The following MFSD12 variants were observed in gnomAD, a reference collection of about 807,000 sequenced individuals.
MFSD12 encodes major facilitator superfamily domain-containing protein 12.
A neutral mutation model predicts 51.2 loss-of-function variants in MFSD12; 67 were observed. The ratio of observed to expected loss-of-function variants is 1.31; its 90% CI spans 1.08 to 1.60. The LOEUF is 1.60. Among genes scored for constraint, MFSD12 ranks in the 40% most tolerant of loss-of-function variants. MFSD12 has a pLI of 0.00. For synonymous variants in MFSD12, 441 were observed against 316.7 expected, an observed-to-expected ratio of 1.39 and a Z score of -4.17; for missense variants, 921 against 673.0, an observed-to-expected ratio of 1.37 and a Z score of -4.08.
In MFSD12 at chr19:3,546,229, C is replaced by T. The variant is rs371429788; in HGVS notation, c.1194+26G>A. 6.2e-6 allele frequency: 10 copies of T among 1,606,502 alleles called. No homozygotes were observed. The Admixed American group carries it at 1.0e-4, about 16-fold the overall frequency. On this transcript the variant is annotated intron_variant, in intron 7 of 9. Transcript: ENST00000355415. ...CCGAGATCTAGGACCCGGCCTCCCC[C>T]ACCCCAGCCTGGCTACCAGCCCTAC... is the stretch of plus-strand genomic sequence containing the variant.
At chr19:3,545,925 A>T (rs1267016848) in intron 8 of MFSD12, 149 bp downstream of exon 8, 1 of 755,774 alleles carries the variant, frequency 1.3e-6, no homozygotes, top group Admixed American at 2.4e-5. Flanking sequence ...GGAAGAAAGG[A>T]AAGGTCTCCC....
chr19:3,544,506 C>A lies in MFSD12; in HGVS notation c.*204G>T. ...TGGATTAGAGTTGAGAATGGGACAC[C>A]CTCAAAACCCAGGGGGTCCTTGCAA... On this transcript the variant is annotated 3_prime_UTR_variant, in exon 10 of 10. Transcript: ENST00000355415. The A allele has an allele frequency of 1.4e-6, 2 of 1,400,456 alleles. No homozygotes were observed. Among genetic ancestry groups the A allele is most frequent in the Non-Finnish European group, 1.9e-6 (2 of 1,079,932 alleles). 86.8% of individuals were successfully genotyped at this position (1,400,456 alleles called of 1,614,324 possible).
In MFSD12 at chr19:3,547,304, T is replaced by C; in HGVS notation, c.991A>G (p.Met331Val). 4.3e-6 allele frequency: 7 copies of C among 1,612,836 alleles called. No individual in the cohort carries two copies. The highest frequency in any genetic ancestry group is 1.7e-5 in the Admixed American group (1 of 60,014). ...YLSGFLSSFLMKPINKCIGRN... is the reference protein window; with the variant it reads ...YLSGFLSSFLVKPINKCIGRN... ...CCAATGCACTTGTTGATGGGCTTCA[T>C]GAGGAAGGAGGACAAGAAGCCGCTG... is the stretch of plus-strand genomic sequence containing the variant. The change falls in exon 6 of 10, where the codon ATG (methionine) becomes GTG (valine). Residue 331 changes from methionine to valine, a missense_variant. Transcript: ENST00000355415.
intron 7 of MFSD12, 31 bp from the exon 8 acceptor site, chr19:3,546,199 G>A: frequency 1.9e-6 from 3 of 1,609,964 alleles, no homozygotes; most frequent in South Asian, 1.1e-5. Context: ...TGGTCAGCGT[G>A]CACCCCGAGA....
chr19:3,548,090 G>T, intron 3 of MFSD12, 33 bp downstream of exon 3: 1 of 1,602,710 alleles, frequency 6.2e-7, no homozygotes. Flanking sequence ...CTGGCTCGAG[G>T]ACTTCAGGCG....
intron 6 of MFSD12, among the ~76,000 whole-genome samples, chr19:3,546,960 A>C (rs1276946284): frequency 6.6e-6 from 1 of 151,984 alleles, no homozygotes; most frequent in East Asian, 1.9e-4. Context: ...CAGCCTCCCG[A>C]ATAGCTGGGA....
At position 3,555,479 on chromosome 19, in the gene MFSD12, C is replaced by T. The variant is rs576360937; in HGVS notation, c.298+1627G>A. On this transcript the variant is annotated intron_variant, in intron 1 of 9. Transcript: ENST00000355415. Reference sequence around the variant, plus strand: ...AAGAGGCATTTGGGGCCCTGGGCTCCGCTCAGCAACCAATCCCAACGTAAC... The same window carrying T: ...AAGAGGCATTTGGGGCCCTGGGCTCTGCTCAGCAACCAATCCCAACGTAAC... Among the ~76,000 whole-genome samples, 12 of 152,278 alleles carry T rather than the reference C, an allele frequency of 7.9e-5. No individual in the cohort carries two copies. In the East Asian group the frequency reaches 1.2e-3, roughly 15 times the overall value.
At chr19:3,543,797 G>A, downstream of MFSD12, 1 of 1,500,402 alleles carries the variant, frequency 6.7e-7, no homozygotes, top group Non-Finnish European at 9.0e-7. Context: ...CGAGGAGGTG[G>A]GGGCACATGG....
In MFSD12 at chr19:3,546,163, G is replaced by A. The variant is rs202045567; in HGVS notation, c.1200C>T (p.Ser400=). ...TCATGGAGCCGTACACGAACGCTCC[G>A]CTGTTCTGTGGAGACACAGGCGAGG... ...TADLIGPHTN[S]GAFVYGSMSF... is the part of the protein sequence containing the mutation. The change falls in exon 8 of 10, where the codon AGC becomes AGT. Residue 400 remains serine (S), a synonymous_variant. Transcript: ENST00000355415. 1.8e-3 allele frequency: 2,901 copies of A among 1,613,006 alleles called. 4 individuals carry two copies. Among genetic ancestry groups the A allele is most frequent in the Middle Eastern group, 2.5e-3 (15 of 6,062 alleles).
intron 5 of MFSD12, 37 bp from the exon 6 acceptor site, chr19:3,547,401 G>C: frequency 6.2e-7 from 1 of 1,612,236 alleles, no homozygotes. Flanking sequence ...TGTCAGTCAT[G>C]GCTCGCCAGG....
chr19:3,542,905 A>C, downstream of MFSD12: 1 of 1,423,848 alleles, frequency 7.0e-7, no homozygotes, highest in South Asian at 1.1e-5. Flanking sequence ...TGGAGGCTGG[A>C]CAAGGACTGT....
At chr19:3,553,556 CAGG>C (rs1053556331) in intron 1 of MFSD12, among the ~76,000 whole-genome samples, 45 of 149,586 alleles carry the variant, frequency 3.0e-4, no homozygotes, top group Non-Finnish European at 5.8e-4. Flanking sequence ...ATCATGAGGT[CAGG>C]AGATCGAGAC....
downstream of MFSD12, chr19:3,541,856 T>C: frequency 1.1e-6 from 1 of 935,826 alleles, no homozygotes; most frequent in Non-Finnish European, 1.3e-6. Flanking sequence ...TCACCCAGGC[T>C]GGAGTGCAGT....
chr19:3,547,406 G>A (rs757897223), intron 5 of MFSD12, 42 bp from the exon 6 acceptor site: 31 of 1,605,220 alleles, frequency 1.9e-5, no homozygotes, highest in African/African-American at 6.7e-5. Context: ...GTCATGGCTC[G>A]CCAGGCTGGG....
chr19:3,541,333 C>CA (rs899637037), downstream of MFSD12, among the ~76,000 whole-genome samples: 196 of 142,024 alleles, frequency 1.4e-3, no homozygotes, highest in South Asian at 2.5e-3. Context: ...AAGACTGTCT[C>CA]AAAAAAAAAA....
chr19:3,543,471 C>T (rs758594874), downstream of MFSD12: 64 of 1,475,160 alleles, frequency 4.3e-5, no homozygotes, highest in South Asian at 8.6e-5. Context: ...AGCATGCCAT[C>T]GGGTGAGTGC....
chr19:3,548,234 GACGGTGATGTTGGCCACC>G lies in MFSD12; in HGVS notation c.525_542del (p.Val176_Val181del). 1 of 1,552,014 alleles carries G rather than the reference GACGGTGATGTTGGCCACC, an allele frequency of 6.4e-7. No homozygotes were observed. The highest frequency in any genetic ancestry group is 1.2e-5 in the South Asian group (1 of 84,558). ...GCAGCAGGAGCCAGGCGGCGCCGTA[GACGGTGATGTTGGCCACC>G]ACGGTGAACGCATACCTGGCGGGCA... is the stretch of plus-strand genomic sequence containing the variant. On this transcript the variant is annotated inframe_deletion, in exon 3 of 10. Coordinates refer to ENST00000355415, the MANE Select transcript of MFSD12 (RefSeq NM_174983.5).
chr19:3,542,224 A>G (rs540356108), downstream of MFSD12: 2 of 985,402 alleles, frequency 2.0e-6, no homozygotes, highest in Non-Finnish European at 2.4e-6. Context: ...AGCCGAGTCT[A>G]TGTGGGGTCC....
chr19:3,548,378 T>A, intron 2 of MFSD12, 111 bp from the exon 3 acceptor site: 1 of 1,393,406 alleles, frequency 7.2e-7, no homozygotes, highest in East Asian at 2.5e-5. Flanking sequence ...TGACAGGTGA[T>A]TCCAACCACT....
Sources: allele counts gnomAD v4.1 joint callset (sites outside exome capture counted in the v4.1 genomes callset), GRCh38; gene constraint gnomAD v4.1.1; transcripts MANE v1.5; gene names NCBI Gene and HGNC (gene_info 2026-07-23, HGNC 2026-07-21).